The following CACNA1S variants were observed in gnomAD, a reference collection of about 807,000 sequenced individuals.
The protein encoded by CACNA1S is voltage-dependent L-type calcium channel subunit alpha-1S.
Under a neutral mutation model 207.4 loss-of-function variants are expected in CACNA1S, and 126 were observed. That is an observed-to-expected ratio of 0.61 (90% CI 0.53 to 0.70). CACNA1S has a LOEUF of 0.70. Ranked by LOEUF, CACNA1S falls within the 30% of genes least tolerant of loss-of-function variation. The probability of loss-of-function intolerance (pLI) is 0.00; values close to 1 mark genes in which losing one functional copy is unlikely to be tolerated. For synonymous variants in CACNA1S, 960 were observed against 932.7 expected, an observed-to-expected ratio of 1.03 and a Z score of -0.53; for missense variants, 2,349 against 2,422.8, an observed-to-expected ratio of 0.97 and a Z score of 0.64.
chr1:201,048,714 T>G (rs1335926290), intron 35 of CACNA1S, 30 bp from the exon 36 acceptor site: 1 of 1,589,446 alleles, frequency 6.3e-7, no homozygotes, highest in South Asian at 1.1e-5. Context: ...GGCCTGCCGC[T>G]GAGCTGGGAC....
Position 201,070,278 on chromosome 1 carries a change from G to A in CACNA1S, c.2354C>T (p.Thr785Ile). ...GCAGCCAAGGGGCACCCACTTATTG[G>A]TGGGGCTGAAGATGAAGAAGGAGCT... ...EASSFFIFSP[T>I]NKIRVLCHRI... The change falls in exon 17 of 44, where the codon ACC (threonine) becomes ATC (isoleucine). Residue 785 changes from threonine to isoleucine, a missense_variant. Coordinates refer to ENST00000362061, the MANE Select transcript of CACNA1S (RefSeq NM_000069.3). 1.9e-6 allele frequency: 3 copies of A among 1,614,026 alleles called. No individual in the cohort carries two copies. The highest frequency in any genetic ancestry group is 2.5e-6 in the Non-Finnish European group (3 of 1,180,034).
chr1:201,094,094 G>T, intron 2 of CACNA1S, 73 bp from the exon 3 acceptor site: 1 of 1,579,642 alleles, frequency 6.3e-7, no homozygotes, highest in Non-Finnish European at 8.7e-7. Context: ...CCCTGCAGCC[G>T]TGCTGGGTTC....
intron 11 of CACNA1S, 39 bp from the exon 12 acceptor site, chr1:201,077,166 C>T: frequency 6.4e-7 from 1 of 1,566,186 alleles, no homozygotes; most frequent in Non-Finnish European, 8.8e-7. Flanking sequence ...GGAGACAGAC[C>T]CTCTCACTGG....
Position 201,053,392 on chromosome 1 carries a change from C to T in CACNA1S, c.3795+67G>A. The T allele has an allele frequency of 1.2e-6, 2 of 1,613,618 alleles. No homozygotes were observed. Among genetic ancestry groups the T allele is most frequent in the South Asian group, 2.2e-5 (2 of 91,070 alleles). Reference sequence around the variant, plus strand: ...GCCCAGGGCTCCCCTGGGGCCCACCCTGGGCTGAGGCAGATGTCCCTAGTG... The same window carrying T: ...GCCCAGGGCTCCCCTGGGGCCCACCTTGGGCTGAGGCAGATGTCCCTAGTG... On this transcript the variant is annotated intron_variant, in intron 30 of 43. Transcript: ENST00000362061. The surrounding 1 kb of genome is among the most constrained non-coding windows in gnomAD (Gnocchi z 5.1).
chr1:201,047,230 A>G lies in CACNA1S; in HGVS notation c.4553T>C (p.Val1518Ala). 1 of 1,614,086 alleles carries G rather than the reference A, an allele frequency of 6.2e-7. No individual in the cohort carries two copies. The highest frequency in any genetic ancestry group is 8.5e-7 in the Non-Finnish European group (1 of 1,179,998). ...QVIPPIGDDEVTVGKFYATFL... is the reference protein window; with the variant it reads ...QVIPPIGDDEATVGKFYATFL... ...TGTGGCGTAGAACTTCCCCACTGTC[A>G]CCTCATCATCTGCAGAGGAGCCAAC... Residue 1518 changes from valine to alanine, a missense_variant, in exon 38 of 44, where the codon GTG becomes GCG. Physicochemically the swap from Val to Ala is moderately conservative, Grantham distance 64. Coordinates refer to ENST00000362061, the MANE Select transcript of CACNA1S (RefSeq NM_000069.3).
intron 22 of CACNA1S, among the ~76,000 whole-genome samples, 200 bp from the exon 23 acceptor site, chr1:201,062,714 TC>T (rs1459860805): frequency 6.6e-6 from 1 of 152,174 alleles, no homozygotes; most frequent in Non-Finnish European, 1.5e-5. Flanking sequence ...TTCTTCACCA[TC>T]GTTCATTCCC....
At position 201,075,612 on chromosome 1, in the gene CACNA1S, G is replaced by A; in HGVS notation, c.1831C>T (p.Leu611=). 2 of 1,614,096 alleles carry A rather than the reference G, an allele frequency of 1.2e-6. No homozygotes were observed. The highest frequency in any genetic ancestry group is 1.3e-5 in the African/African-American group (1 of 75,066). ...PQALISVFQV[L]TGEDWTSMMY... is the part of the protein sequence containing the mutation. The stretch of plus-strand genomic sequence containing the variant: ...ATTGAGGTCCAGTCTTCCCCTGTCA[G>A]TACCTGTATGGAGGGAGGATAGAGG... The change falls in exon 13 of 44, where the codon CTG becomes TTG. Residue 611 remains leucine (L), a synonymous_variant. Transcript: ENST00000362061.
At chr1:201,102,010 G>C (rs2102179137) in intron 2 of CACNA1S, among the ~76,000 whole-genome samples, 1 of 152,344 alleles carries the variant, frequency 6.6e-6, no homozygotes, top group Admixed American at 6.5e-5. Context: ...TGTGTGTGAA[G>C]AAGACGGTAG....
At chr1:201,101,881 A>G (rs1295267536) in intron 2 of CACNA1S, among the ~76,000 whole-genome samples, 2 of 151,740 alleles carry the variant, frequency 1.3e-5, no homozygotes, top group Non-Finnish European at 2.9e-5. Context: ...TTAACTCCTA[A>G]CAAGTCCAAA....
At chr1:201,062,548 C>A (rs1284840743) in intron 22 of CACNA1S, 34 bp from the exon 23 acceptor site, 5 of 1,587,756 alleles carry the variant, frequency 3.1e-6, no homozygotes, top group Non-Finnish European at 4.3e-6. Flanking sequence ...GGGAGGGAGG[C>A]ATGTTGTCAT....
chr1:201,090,901 T>G (rs1662203828), intron 5 of CACNA1S, among the ~76,000 whole-genome samples: 1 of 152,238 alleles, frequency 6.6e-6, no homozygotes. Context: ...TTACTGGTTT[T>G]GGAAAAATCT....
At chr1:201,085,230 C>T (rs186230454) in intron 8 of CACNA1S, among the ~76,000 whole-genome samples, 199 bp from the exon 9 acceptor site, 47 of 152,224 alleles carry the variant, frequency 3.1e-4, no homozygotes, top group Admixed American at 2.7e-3. Context: ...GCAGGGGAGG[C>T]GCTATGAGGA....
rs1356632124 is a variant in CACNA1S at position 201,066,601 on chromosome 1, C to A, written c.2658-285G>T. Reference sequence around the variant, plus strand: ...CGTCCCTCCCGTCAGACGGTGAGCACCCCAAAGGCAGGGGCTGTGCTCCCC... The same window carrying A: ...CGTCCCTCCCGTCAGACGGTGAGCAACCCAAAGGCAGGGGCTGTGCTCCCC... On this transcript the variant is annotated intron_variant, in intron 20 of 43. Coordinates refer to ENST00000362061, the MANE Select transcript of CACNA1S (RefSeq NM_000069.3). The surrounding 1 kb of genome is among the most constrained non-coding windows in gnomAD (Gnocchi z 4.3). 6.6e-6 allele frequency among the ~76,000 whole-genome samples: 1 copy of A among 152,312 alleles called. No homozygotes were observed. Among genetic ancestry groups the A allele is most frequent in the East Asian group, 1.9e-4 (1 of 5,182 alleles).
rs1660958591 is a variant in CACNA1S, at chr1:201,059,256, A to G, written c.3458T>C (p.Leu1153Pro). The G allele has an allele frequency of 1.9e-6, 3 of 1,613,904 alleles. No individual in the cohort carries two copies. In the South Asian group the frequency reaches 3.3e-5, roughly 18 times the overall value. Residue 1153 changes from leucine (L) to proline (P), a missense_variant, in exon 27 of 44, where the codon CTC (leucine) becomes CCC (proline). Leu to Pro is a moderately conservative substitution (Grantham distance 98). Transcript: ENST00000362061. The stretch of plus-strand genomic sequence containing the variant: ...GAAGATGATAGTGAAGGCCACATTG[A>G]GGATGTCTGAGATGTGGTTCATCTG... Reference protein sequence around the residue: ...SEQMNHISDILNVAFTIIFTL... With the variant: ...SEQMNHISDIPNVAFTIIFTL...
chr1:201,069,081 C>T, intron 19 of CACNA1S, 56 bp downstream of exon 19: 1 of 1,475,644 alleles, frequency 6.8e-7, no homozygotes, highest in Non-Finnish European at 9.5e-7. Context: ...TGTGTGTAAA[C>T]TGGAGCCACA....
intron 14 of CACNA1S, among the ~76,000 whole-genome samples, chr1:201,074,168 A>C (rs1572046443): frequency 7.2e-6 from 1 of 139,696 alleles, no homozygotes; most frequent in African/African-American, 2.4e-5. Context: ...GTAGAACTCC[A>C]ACCCCGCCCA....
chr1:201,052,436 C>A (rs1660686249), intron 32 of CACNA1S, 121 bp downstream of exon 32: 5 of 765,366 alleles, frequency 6.5e-6, no homozygotes, highest in Non-Finnish European at 7.1e-6. Context: ...GAGTATAGGA[C>A]CCTGTGTGGC....
At chr1:201,077,187 G>C in intron 11 of CACNA1S, 60 bp from the exon 12 acceptor site, 1 of 1,424,712 alleles carries the variant, frequency 7.0e-7, no homozygotes. Flanking sequence ...GGCCCACGAG[G>C]TGTGGACAGG....
At chr1:201,099,434 T>C (rs919436411) in intron 2 of CACNA1S, among the ~76,000 whole-genome samples, 1 of 152,232 alleles carries the variant, frequency 6.6e-6, no homozygotes, top group Non-Finnish European at 1.5e-5. Flanking sequence ...GAATGTGCAC[T>C]GCCACCACAT....
Sources: gnomAD v4.1 joint callset for allele counts (sites outside exome capture counted in the v4.1 genomes callset) on GRCh38, gnomAD v4.1.1 for gene constraint, Gnocchi (gnomAD v3.1) non-coding constraint, MANE v1.5 for transcripts, NCBI Gene and HGNC (gene_info 2026-07-23, HGNC 2026-07-21) for gene names.